MKLN1: variants seen among roughly 807,000 people sequenced by gnomAD.
MKLN1 encodes muskelin 1.
In MKLN1, 18 loss-of-function variants were observed where a neutral mutation model predicts 99.0. That is an observed-to-expected ratio of 0.18 (90% CI 0.13 to 0.27). The LOEUF (loss-of-function observed/expected upper bound fraction) is 0.27, where lower values mean the gene tolerates loss of function less well. Among genes scored for constraint, MKLN1 ranks in the 10% least tolerant of loss-of-function variants. The probability of loss-of-function intolerance (pLI) is 1.00; values close to 1 mark genes in which losing one functional copy is unlikely to be tolerated. For missense variants in MKLN1, 621 were observed against 875.9 expected, an observed-to-expected ratio of 0.71 and a Z score of 3.67; for synonymous variants, 288 against 293.2, an observed-to-expected ratio of 0.98 and a Z score of 0.18.
chr7:131,245,895 A>T lies in MKLN1; in HGVS notation c.-179+42921A>T, dbSNP rs550687813. Among the ~76,000 whole-genome samples, 6 of 152,330 alleles carry T rather than the reference A, an allele frequency of 3.9e-5. No homozygotes were observed. The East Asian group carries it at 1.2e-3, about 29-fold the overall frequency. On this transcript the variant is annotated intron_variant, in intron 3 of 7. Coordinates refer to the MKLN1 transcript ENST00000416992. ...ATCCTGACAGCTTTCATTAAGTCTC[A>T]TGATTTATTTTGAAAGGGACCTCAG...
chr7:131,327,814 G>C, upstream of MKLN1: 2 of 1,507,134 alleles, frequency 1.3e-6, no homozygotes, highest in South Asian at 2.5e-5. Flanking sequence ...GGGGAGGGCG[G>C]CGGCCCCTTT....
At chr7:131,129,506 G>A (rs1228112183) in intron 1 of MKLN1, among the ~76,000 whole-genome samples, 1 of 152,190 alleles carries the variant, frequency 6.6e-6, no homozygotes, top group East Asian at 1.9e-4. Context: ...GTATTCCCAT[G>A]ATGAAATCTA....
chr7:131,378,798 C>G, intron 2 of MKLN1, among the ~76,000 whole-genome samples: 1 of 152,056 alleles, frequency 6.6e-6, no homozygotes, highest in Non-Finnish European at 1.5e-5. Flanking sequence ...CCACTGCACT[C>G]CAGCCTGGGT....
rs536465656 is a variant in MKLN1, at chr7:131,357,071, T to G, written c.99-18353T>G. ...CTTACTGTATTACATTCATATGCTC[T>G]GTTTCTTAGAATTAATGAACCAATA... On this transcript the variant is annotated intron_variant, in intron 1 of 17. Coordinates refer to ENST00000352689, the MANE Select transcript of MKLN1 (RefSeq NM_013255.5). Among the ~76,000 whole-genome samples the G allele has an allele frequency of 7.9e-5, 12 of 152,346 alleles. No homozygotes were observed. The South Asian group carries it at 2.5e-3, about 32-fold the overall frequency.
At chr7:131,270,206 G>A (rs1584880412) in intron 3 of MKLN1, among the ~76,000 whole-genome samples, 2 of 151,660 alleles carry the variant, frequency 1.3e-5, no homozygotes, top group South Asian at 4.2e-4. Flanking sequence ...ACAGGCATGA[G>A]CCATGCACCC....
At chr7:131,140,614 C>A (rs900276219) in intron 1 of MKLN1, among the ~76,000 whole-genome samples, 2 of 152,102 alleles carry the variant, frequency 1.3e-5, no homozygotes, top group African/African-American at 2.4e-5. Flanking sequence ...CACCTTCTGC[C>A]GTGAGTAAAA....
intron 8 of MKLN1, among the ~76,000 whole-genome samples, chr7:131,422,100 C>T (rs1470578271): frequency 6.6e-6 from 1 of 152,086 alleles, no homozygotes; most frequent in Non-Finnish European, 1.5e-5. Context: ...TAAAGAAGCC[C>T]AGTTATTACT....
At chr7:131,389,451 T>TTTTA (rs1221176092) in intron 4 of MKLN1, among the ~76,000 whole-genome samples, 1 of 152,118 alleles carries the variant, frequency 6.6e-6, no homozygotes, top group Non-Finnish European at 1.5e-5. Flanking sequence ...TGTTCTTTTA[T>TTTTA]TTTATTTATT....
At chr7:131,191,621 GGA>G (rs1336592423) in intron 2 of MKLN1, among the ~76,000 whole-genome samples, 1 of 152,090 alleles carries the variant, frequency 6.6e-6, no homozygotes, top group African/African-American at 2.4e-5. Flanking sequence ...AATTTTACAA[GGA>G]GAGAGAAAGA....
chr7:131,297,639 GA>G (rs1052992248), intron 3 of MKLN1, among the ~76,000 whole-genome samples: 1 of 152,022 alleles, frequency 6.6e-6, no homozygotes, highest in African/African-American at 2.4e-5. Context: ...TTTTACAATG[GA>G]AAAAAATGCA....
rs528091266 is a variant in MKLN1, at chr7:131,463,143, AAAGG to A, written c.1526-59_1526-56del. On this transcript the variant is annotated intron_variant, in intron 12 of 17. Coordinates refer to ENST00000352689, the MANE Select transcript of MKLN1 (RefSeq NM_013255.5). ...TGTTCTTTAAAAAAAGAAAGAAAAG[AAAGG>A]AAGGAAGGAAGGAAATACTAATCTA... The A allele has an allele frequency of 3.6e-5, 46 of 1,292,248 alleles. 1 individual carries two copies. The highest frequency in any genetic ancestry group is 6.0e-5 in the African/African-American group (4 of 66,582). The allele number at this position is 1,292,248 out of a possible 1,614,324, so 80.0% of individuals were successfully genotyped here. A position where few individuals can be genotyped will look rare whatever the true frequency, so the allele number is the denominator to read the frequency against.
At chr7:131,250,823 G>A (rs1176345614) in intron 3 of MKLN1, among the ~76,000 whole-genome samples, 1 of 152,146 alleles carries the variant, frequency 6.6e-6, no homozygotes, top group Admixed American at 6.6e-5. Context: ...CCAAATGTAC[G>A]TACACCATCT....
At chr7:131,171,303 G>T (rs1009548083) in intron 2 of MKLN1, among the ~76,000 whole-genome samples, 2 of 152,102 alleles carry the variant, frequency 1.3e-5, no homozygotes, top group Admixed American at 6.6e-5. Context: ...AAACTGTATA[G>T]GTTTATTAAA....
At position 131,327,929 on chromosome 7, in the gene MKLN1, G is replaced by C. The variant is rs1266546024; in HGVS notation, c.30G>C (p.Ala10=). ...CGGCTGGCGGAGCTGTCGCTGCGGC[G>C]CCCGAGTGCCGGCTTCTCCCCTACG... MAAGGAVAA[A]PECRLLPYAL... Residue 10 remains alanine, a synonymous_variant, in exon 1 of 18, where the codon GCG becomes GCC. Coordinates refer to ENST00000352689, the MANE Select transcript of MKLN1 (RefSeq NM_013255.5). 5 of 1,613,166 alleles carry C rather than the reference G, an allele frequency of 3.1e-6. No individual in the cohort carries two copies. Among genetic ancestry groups the C allele is most frequent in the Non-Finnish European group, 4.2e-6 (5 of 1,179,806 alleles).
intron 17 of MKLN1, among the ~76,000 whole-genome samples, chr7:131,486,626 A>G (rs900720036): frequency 1.3e-5 from 2 of 152,288 alleles, no homozygotes; most frequent in African/African-American, 4.8e-5. Context: ...CATGGCATAT[A>G]TAACTCTTGA....
intron 6 of MKLN1, among the ~76,000 whole-genome samples, chr7:131,404,810 T>C (rs1794653069): frequency 6.6e-6 from 1 of 152,000 alleles, no homozygotes; most frequent in Non-Finnish European, 1.5e-5. Context: ...TTGCCCAGGC[T>C]GGTCTCAAAC....
intron 12 of MKLN1, among the ~76,000 whole-genome samples, chr7:131,452,210 A>G (rs1341002542): frequency 6.6e-6 from 1 of 152,136 alleles, no homozygotes; most frequent in Non-Finnish European, 1.5e-5. Context: ...TCCCTCTGTA[A>G]TTCTAGAAAA....
Position 131,490,896 on chromosome 7 carries a change from A to G in MKLN1, c.*3168A>G, listed in dbSNP as rs1797406915. Reference sequence around the variant, plus strand: ...CAGTGTTTTAAAATCTAGCCTATAAACAAAAACTAGTTTGAGGCACCCAAG... The same window carrying G: ...CAGTGTTTTAAAATCTAGCCTATAAGCAAAAACTAGTTTGAGGCACCCAAG... On this transcript the variant is annotated 3_prime_UTR_variant, in exon 18 of 18. Transcript: ENST00000352689. The G allele has an allele frequency of 6.6e-6, 1 of 152,578 alleles. No homozygotes were observed. Among genetic ancestry groups the G allele is most frequent in the African/African-American group, 2.4e-5 (1 of 41,448 alleles). The allele number at this position is 152,578 out of a possible 1,614,324, so 9.5% of individuals were successfully genotyped here. A position where few individuals can be genotyped will look rare whatever the true frequency, so the allele number is the denominator to read the frequency against.
At chr7:131,251,886 C>T (rs528820265) in intron 3 of MKLN1, among the ~76,000 whole-genome samples, 7 of 151,972 alleles carry the variant, frequency 4.6e-5, no homozygotes, top group African/African-American at 1.4e-4. Context: ...GCCATGTTTT[C>T]CAGGTTGGTC....
Sources: allele counts gnomAD v4.1 joint callset (sites outside exome capture counted in the v4.1 genomes callset), GRCh38; gene constraint gnomAD v4.1.1; transcripts MANE v1.5; gene names NCBI Gene and HGNC (gene_info 2026-07-23, HGNC 2026-07-21).